Variants in ZC3H12B observed in about 807,000 individuals in gnomAD.
ZC3H12B encodes zinc finger CCCH-type containing 12B.
ZC3H12B carries 7 observed loss-of-function variants against 43.9 expected under a neutral mutation model. The observed-to-expected ratio is 0.16, with a 90% CI of 0.09 to 0.30. The LOEUF is 0.30. Among genes scored for constraint, ZC3H12B ranks in the 10% least tolerant of loss-of-function variants. The pLI, the probability that ZC3H12B is intolerant of heterozygous loss-of-function variation, is 1.00. For missense variants in ZC3H12B, 475 were observed against 670.2 expected (o/e 0.71, Z 3.22); for synonymous variants, 222 against 241.7 (o/e 0.92, Z 0.76).
At chrX:65,143,528 C>G in the ZC3H12B span, among the ~76,000 whole-genome samples, 1 of 107,104 alleles carries the variant, frequency 9.3e-6, no homozygotes, top group Non-Finnish European at 1.9e-5. Context: ...CCCTGCATCT[C>G]TGGTGTGAAA....
chrX:65,318,383 CCTT>C, the ZC3H12B span, among the ~76,000 whole-genome samples: 4 of 104,382 alleles, frequency 3.8e-5, no homozygotes, highest in Non-Finnish European at 7.9e-5. Flanking sequence ...CCTTCTTTTT[CCTT>C]CTTCTTCCTT....
the ZC3H12B span, among the ~76,000 whole-genome samples, chrX:65,302,408 T>C: frequency 9.0e-6 from 1 of 111,338 alleles, no homozygotes; most frequent in African/African-American, 3.3e-5. Context: ...CACAATTCCA[T>C]TTACATTAGC....
the ZC3H12B span, among the ~76,000 whole-genome samples, chrX:65,280,906 A>C: frequency 8.9e-6 from 1 of 112,296 alleles, no homozygotes; most frequent in African/African-American, 3.2e-5. Flanking sequence ...ATGGAAAGAC[A>C]TTTTATGCTC....
At chrX:65,294,992 A>G in the ZC3H12B span, among the ~76,000 whole-genome samples, 2 of 107,150 alleles carry the variant, frequency 1.9e-5, no homozygotes, top group African/African-American at 3.4e-5. Flanking sequence ...TATATCCTAG[A>G]AAAAAAAAAG....
chrX:65,301,174 TAA>T, the ZC3H12B span, among the ~76,000 whole-genome samples: 3 of 107,840 alleles, frequency 2.8e-5, no homozygotes, highest in East Asian at 8.7e-4. Flanking sequence ...AATAAAAATT[TAA>T]AAAAAAAATA....
the ZC3H12B span, among the ~76,000 whole-genome samples, chrX:65,346,423 A>T: frequency 8.9e-6 from 1 of 111,781 alleles, no homozygotes; most frequent in Non-Finnish European, 1.9e-5. Flanking sequence ...GGTTAGCAAT[A>T]TGCAGAAGAA....
the ZC3H12B span, among the ~76,000 whole-genome samples, chrX:65,325,796 T>C: frequency 9.0e-6 from 1 of 111,075 alleles, no homozygotes; most frequent in Admixed American, 9.6e-5. Context: ...TTTCAAACTA[T>C]CCTACAACAT....
At chrX:65,077,358 A>G in the ZC3H12B span, among the ~76,000 whole-genome samples, 2 of 111,934 alleles carry the variant, frequency 1.8e-5, no homozygotes, top group Admixed American at 9.4e-5. Context: ...AATTGGGTGG[A>G]CCAGCCCTTC....
At chrX:65,081,643 T>C in the ZC3H12B span, among the ~76,000 whole-genome samples, 14 of 111,795 alleles carry the variant, frequency 1.3e-4, no homozygotes, top group Non-Finnish European at 2.1e-4. Flanking sequence ...GCAAATATTA[T>C]TAGTGGTAAT....
In ZC3H12B at chrX:65,500,002, A is replaced by G; in HGVS notation, c.1090+13A>G. On this transcript the variant is annotated intron_variant, in intron 4 of 4. Transcript: ENST00000338957. ...CCATGTCCTTATGGTGAGTACCTAC[A>G]TACAAAACTGAGTTCTGTACCACCG... 1 of 1,138,201 alleles carries G rather than the reference A, an allele frequency of 8.8e-7. No homozygotes were observed. Among genetic ancestry groups the G allele is most frequent in the Non-Finnish European group, 1.2e-6 (1 of 829,805 alleles). The allele number at this position is 1,138,201 out of a possible 1,213,427, so 93.8% of individuals were successfully genotyped here.
At chrX:65,116,403 C>T in the ZC3H12B span, among the ~76,000 whole-genome samples, 1 of 110,935 alleles carries the variant, frequency 9.0e-6, no homozygotes, top group African/African-American at 3.3e-5. Flanking sequence ...TTCCATTGGT[C>T]TATGTGCCTA....
the ZC3H12B span, among the ~76,000 whole-genome samples, chrX:65,133,521 G>C: frequency 1.8e-5 from 2 of 111,498 alleles, no homozygotes; most frequent in Admixed American, 9.5e-5. Context: ...GTCGGATAAA[G>C]AAAAAGGGAC....
the ZC3H12B span, among the ~76,000 whole-genome samples, chrX:65,095,432 G>A: frequency 9.0e-6 from 1 of 111,023 alleles, no homozygotes; most frequent in East Asian, 2.9e-4. Context: ...GAGGTCTTGA[G>A]GCAAATTACT....
the ZC3H12B span, among the ~76,000 whole-genome samples, chrX:65,135,702 T>A: frequency 5.7e-4 from 60 of 106,092 alleles, no homozygotes; most frequent in South Asian, 0.01. Context: ...GGTTAGATAT[T>A]TTTTTTTTTT....
chrX:65,406,235 A>C (rs1416780661), intron 3 of ZC3H12B, among the ~76,000 whole-genome samples: 2 of 109,945 alleles, frequency 1.8e-5, no homozygotes, highest in Non-Finnish European at 3.8e-5. Flanking sequence ...TCGATGCAAA[A>C]ATCCTCAACA....
exon 5 of ZC3H12B, chrX:65,502,380 A>G (rs776385250): frequency 1.7e-6 from 2 of 1,211,641 alleles, no homozygotes; most frequent in Non-Finnish European, 2.2e-6. Flanking sequence ...AACAGCATGC[A>G]TAACCGAGAG....
chrX:65,450,285 C>A (rs1159532716), intron 3 of ZC3H12B, among the ~76,000 whole-genome samples: 3 of 90,288 alleles, frequency 3.3e-5, no homozygotes, highest in Non-Finnish European at 6.3e-5. Flanking sequence ...GCCTGGGCGA[C>A]AGAGCAAGAC....
At chrX:65,053,161 GGTT>G in the ZC3H12B span, among the ~76,000 whole-genome samples, 1 of 110,047 alleles carries the variant, frequency 9.1e-6, no homozygotes, top group African/African-American at 3.3e-5. Flanking sequence ...ACAACCTGCA[GGTT>G]TGTTACGTAT....
At chrX:65,153,012 T>G in the ZC3H12B span, among the ~76,000 whole-genome samples, 169 of 111,672 alleles carry the variant, frequency 1.5e-3, no homozygotes, top group Middle Eastern at 4.6e-3. Flanking sequence ...AATGGTGCTG[T>G]GAAAACTGGC....
Sources: allele counts gnomAD v4.1 joint callset (sites outside exome capture counted in the v4.1 genomes callset), GRCh38; gene constraint gnomAD v4.1.1; transcripts MANE v1.5; gene names NCBI Gene and HGNC (gene_info 2026-07-23, HGNC 2026-07-21).